Variants in NR5A2 observed in about 807,000 individuals in gnomAD.
The protein encoded by NR5A2 is nuclear receptor subfamily 5 group A member 2.
NR5A2 carries 26 observed loss-of-function variants against 62.7 expected under a neutral mutation model. That is an observed-to-expected ratio of 0.41 (90% CI 0.30 to 0.58). The LOEUF (loss-of-function observed/expected upper bound fraction) is 0.58. Among genes scored for constraint, NR5A2 ranks in the 20% least tolerant of loss-of-function variants. The pLI is 0.22. For missense variants in NR5A2, 541 were observed against 669.1 expected, an observed-to-expected ratio of 0.81 and a Z score of 2.11; for synonymous variants, 246 against 241.7, an observed-to-expected ratio of 1.02 and a Z score of -0.16.
chr1:200,080,978 T>C lies in NR5A2; in HGVS notation c.1111-30224T>C, dbSNP rs75097341. On this transcript the variant is annotated intron_variant, in intron 5 of 7. Coordinates refer to ENST00000367362, the MANE Select transcript of NR5A2 (RefSeq NM_205860.3). ...TCTTTTCCTCTGGAATATTGCAAAGTAGAGGTTAGACCAGAAGCAAGAAGA... is the reference window on the plus strand; with the variant it reads ...TCTTTTCCTCTGGAATATTGCAAAGCAGAGGTTAGACCAGAAGCAAGAAGA... Among the ~76,000 whole-genome samples the C allele has an allele frequency of 4.8e-4, 73 of 152,306 alleles. 2 individuals are homozygous for C. In the East Asian group the frequency reaches 0.012, roughly 26 times the overall value.
chr1:200,047,975 A>G (rs867693787), intron 4 of NR5A2, among the ~76,000 whole-genome samples, 197 bp from the exon 5 acceptor site: 4 of 152,132 alleles, frequency 2.6e-5, no homozygotes, highest in Non-Finnish European at 5.9e-5. Context: ...TTTTTTGATG[A>G]CGACACACAC....
intron 7 of NR5A2, among the ~76,000 whole-genome samples, chr1:200,124,946 GCGAAGCCTTTAC>G (rs371496310): frequency 1.3e-3 from 203 of 152,274 alleles, no homozygotes; most frequent in African/African-American, 4.7e-3. Context: ...GAAACTTAAA[GCGAAGCCTTTAC>G]CGAAGCAACT....
chr1:200,031,446 A>G (rs1661543804), intron 1 of NR5A2, among the ~76,000 whole-genome samples: 1 of 152,076 alleles, frequency 6.6e-6, no homozygotes, highest in Non-Finnish European at 1.5e-5. Flanking sequence ...CACTTGAGCC[A>G]GGGAGGTTGA....
At chr1:200,171,757 AAAAG>A (rs556148414) in intron 7 of NR5A2, among the ~76,000 whole-genome samples, 7 of 152,320 alleles carry the variant, frequency 4.6e-5, no homozygotes, top group Admixed American at 2.6e-4. Flanking sequence ...CAAAATAAAA[AAAAG>A]AAAGAAGTTA....
chr1:200,043,025 C>T (rs1662190193), intron 2 of NR5A2: 3 of 982,682 alleles, frequency 3.1e-6, no homozygotes, highest in Non-Finnish European at 3.6e-6. Flanking sequence ...GGCTTCAATA[C>T]TTTGAAACCA....
chr1:200,121,753 G>A (rs187826638), intron 7 of NR5A2, among the ~76,000 whole-genome samples: 151 of 152,248 alleles, frequency 9.9e-4, no homozygotes, highest in Admixed American at 2.0e-3. Context: ...AGACAGCTGA[G>A]GGAGGCAACT....
At chr1:200,051,258 GAA>G (rs1368733640) in intron 5 of NR5A2, among the ~76,000 whole-genome samples, 4 of 150,806 alleles carry the variant, frequency 2.7e-5, no homozygotes, top group Admixed American at 2.0e-4. Flanking sequence ...AACAAGGAAA[GAA>G]ATAATGCATA....
At chr1:200,156,255 G>C (rs924754878) in intron 7 of NR5A2, among the ~76,000 whole-genome samples, 1 of 152,180 alleles carries the variant, frequency 6.6e-6, no homozygotes, top group African/African-American at 2.4e-5. Context: ...CCACAGTTGT[G>C]GGAACGTCAG....
At chr1:200,169,828 G>C (rs1017838679) in intron 7 of NR5A2, among the ~76,000 whole-genome samples, 2 of 152,182 alleles carry the variant, frequency 1.3e-5, no homozygotes, top group African/African-American at 2.4e-5. Context: ...TTATTAACTG[G>C]TGTTTTTAAA....
intron 1 of NR5A2, 107 bp downstream of exon 1, chr1:200,028,018 T>C: frequency 2.8e-6 from 2 of 719,052 alleles, no homozygotes; most frequent in Middle Eastern, 3.3e-4. Context: ...TTTCCTATTA[T>C]GTTTATTAAA....
chr1:200,041,416 G>C lies in NR5A2; in HGVS notation c.202+1621G>C, dbSNP rs1571701410. Among the ~76,000 whole-genome samples the C allele has an allele frequency of 2.6e-5, 4 of 152,166 alleles. No individual in the cohort carries two copies. In the South Asian group the frequency reaches 8.3e-4, roughly 32 times the overall value. ...GAAGCGCCGGGGCAAGGCTTCGTCG[G>C]AGACTAGAGGCCTGCCTGTCGGGAG... On this transcript the variant is annotated intron_variant, in intron 2 of 7. Coordinates refer to ENST00000367362, the MANE Select transcript of NR5A2 (RefSeq NM_205860.3).
intron 7 of NR5A2, among the ~76,000 whole-genome samples, chr1:200,133,594 T>TATATACAC (rs1667083508): frequency 9.1e-6 from 1 of 110,052 alleles, no homozygotes; most frequent in African/African-American, 3.6e-5. Context: ...TACACATATA[T>TATATACAC]ATATATACAC....
At chr1:200,144,270 C>G (rs1012015799) in intron 7 of NR5A2, among the ~76,000 whole-genome samples, 1 of 151,318 alleles carries the variant, frequency 6.6e-6, no homozygotes, top group African/African-American at 2.4e-5. Flanking sequence ...CACACACACA[C>G]AGAACAACAC....
In NR5A2 at chr1:200,104,818, A is replaced by G. The variant is rs191069595; in HGVS notation, c.1111-6384A>G. ...GCTGGAATTACAGGCACGTGCCACT[A>G]TGTCTGGCTAATTTTTGTATTTTTA... is the stretch of plus-strand genomic sequence containing the variant. On this transcript the variant is annotated intron_variant, in intron 5 of 7. Coordinates refer to ENST00000367362, the MANE Select transcript of NR5A2 (RefSeq NM_205860.3). 3.2e-4 allele frequency among the ~76,000 whole-genome samples: 49 copies of G among 152,050 alleles called. 1 individual carries two copies. Among genetic ancestry groups the G allele is most frequent in the Admixed American group, 2.9e-3 (45 of 15,272 alleles).
chr1:200,071,763 C>T (rs993937407), intron 5 of NR5A2, among the ~76,000 whole-genome samples: 10 of 152,098 alleles, frequency 6.6e-5, no homozygotes, highest in Admixed American at 3.3e-4. Flanking sequence ...AGAGCAGAGC[C>T]GATATTCAGT....
chr1:200,041,558 C>CG (rs1662083770), intron 2 of NR5A2, among the ~76,000 whole-genome samples: 1 of 152,148 alleles, frequency 6.6e-6, no homozygotes. Context: ...AGCAGCGCGC[C>CG]CAACTTTGAG....
chr1:200,105,412 TA>T (rs1665601948), intron 5 of NR5A2, among the ~76,000 whole-genome samples: 1 of 152,212 alleles, frequency 6.6e-6, no homozygotes, highest in South Asian at 2.1e-4. Context: ...TGGAATGGTA[TA>T]AACTACTCCC....
Position 200,147,954 on chromosome 1 carries a change from T to G in NR5A2, c.1379-26009T>G. On this transcript the variant is annotated intron_variant, in intron 7 of 7. Coordinates refer to ENST00000367362, the MANE Select transcript of NR5A2 (RefSeq NM_205860.3). This position sits in a 1 kb window ranked among gnomAD's most constrained non-coding sequence, Gnocchi z 4.9. ...CTTCGCCGGTGTTGGTGTTGCCCTG[T>G]GGTAGGCGATGCATCGGGCGGCCGC... The G allele has an allele frequency of 3.0e-6, 1 of 332,872 alleles. No homozygotes were observed. 20.6% of individuals were successfully genotyped at this position (332,872 alleles called of 1,614,324 possible). A position where few individuals can be genotyped will look rare whatever the true frequency, so the allele number is the denominator to read the frequency against.
At chr1:200,130,296 AG>A (rs200296127) in intron 7 of NR5A2, among the ~76,000 whole-genome samples, 4 of 6,516 alleles carry the variant, frequency 6.1e-4, no homozygotes, top group Admixed American at 3.2e-3. Flanking sequence ...AAGAAGAAGA[AG>A]AAGAAGAAGA....
Sources: allele counts gnomAD v4.1 joint callset (sites outside exome capture counted in the v4.1 genomes callset), GRCh38; gene constraint gnomAD v4.1.1; non-coding constraint Gnocchi (gnomAD v3.1); transcripts MANE v1.5; gene names NCBI Gene and HGNC (gene_info 2026-07-23, HGNC 2026-07-21).